Variants in PDE4D observed in about 807,000 individuals in gnomAD.
PDE4D encodes phosphodiesterase 4D.
PDE4D carries 24 observed loss-of-function variants against 87.4 expected under a neutral mutation model. The observed-to-expected ratio is 0.27, with a 90% CI of 0.20 to 0.39. The LOEUF (loss-of-function observed/expected upper bound fraction) is 0.39. PDE4D is among the 10% of genes least tolerant of loss of function. PDE4D has a pLI of 1.00. For synonymous variants in PDE4D, 384 were observed against 383.2 expected, an observed-to-expected ratio of 1.00 and a Z score of -0.02; for missense variants, 714 against 1,041.0, an observed-to-expected ratio of 0.69 and a Z score of 4.32.
At chr5:60,040,041 C>A (rs914122840) in intron 2 of PDE4D, among the ~76,000 whole-genome samples, 1 of 152,166 alleles carries the variant, frequency 6.6e-6, no homozygotes, top group African/African-American at 2.4e-5. Flanking sequence ...GAAACACTTC[C>A]TTTTCAATTT....
chr5:59,128,538 A>G (rs1160643616), intron 5 of PDE4D, among the ~76,000 whole-genome samples: 1 of 152,140 alleles, frequency 6.6e-6, no homozygotes, highest in African/African-American at 2.4e-5. Flanking sequence ...GGAGTGTATT[A>G]TGGTCCAAAT....
intron 1 of PDE4D, among the ~76,000 whole-genome samples, chr5:59,695,351 T>C (rs1463658071): frequency 1.3e-5 from 2 of 151,460 alleles, no homozygotes; most frequent in Non-Finnish European, 2.9e-5. Flanking sequence ...AGGCAGGAAC[T>C]GCACCTTTTA....
At chr5:59,078,145 A>G (rs968224703) in intron 5 of PDE4D, among the ~76,000 whole-genome samples, 1 of 152,214 alleles carries the variant, frequency 6.6e-6, no homozygotes, top group Admixed American at 6.5e-5. Context: ...TACACAAGGA[A>G]GTATGCACGA....
At chr5:59,774,790 T>C (rs144454573) in intron 1 of PDE4D, among the ~76,000 whole-genome samples, 9,630 of 151,420 alleles carry the variant, frequency 0.064, 913 homozygotes, top group African/African-American at 0.21. Context: ...TGGGTTCAAG[T>C]GATTCTCCTG....
chr5:59,107,052 G>T (rs1273465844), intron 5 of PDE4D, among the ~76,000 whole-genome samples: 1 of 152,104 alleles, frequency 6.6e-6, no homozygotes, highest in African/African-American at 2.4e-5. Flanking sequence ...GAAAAAAACA[G>T]TTATTGATCA....
chr5:60,114,884 G>GTA lies in PDE4D; in HGVS notation c.42+70671_42+70672dup, dbSNP rs144111213. ...TAACTATGTGTGTATGTATGTGTGT[G>GTA]TATATATATATGTATGAATAAGCTC... is the stretch of plus-strand genomic sequence containing the variant. On this transcript the variant is annotated intron_variant, in intron 2 of 16. Transcript: ENST00000502484. Among the ~76,000 whole-genome samples the GTA allele has an allele frequency of 8.1e-3, 1,209 of 150,006 alleles. 13 individuals carry two copies. Among genetic ancestry groups the GTA allele is most frequent in the African/African-American group, 0.027 (1,123 of 40,840 alleles).
chr5:59,936,321 C>A (rs1756574682), intron 3 of PDE4D, among the ~76,000 whole-genome samples: 1 of 151,896 alleles, frequency 6.6e-6, no homozygotes, highest in Admixed American at 6.6e-5. Context: ...TGTAACTAAC[C>A]TGCATGTTGT....
chr5:59,070,753 A>T (rs1022484254), intron 5 of PDE4D, among the ~76,000 whole-genome samples: 1 of 152,184 alleles, frequency 6.6e-6, no homozygotes, highest in Non-Finnish European at 1.5e-5. Flanking sequence ...CTTATCACTA[A>T]TTCAATCCCA....
upstream of PDE4D, among the ~76,000 whole-genome samples, chr5:59,895,785 C>T (rs159616): frequency 0.67 from 101,424 of 152,122 alleles, 35,266 homozygotes; most frequent in African/African-American, 0.86. Context: ...ATTTCTCATA[C>T]ACTAACAGTA....
At chr5:59,352,149 T>C (rs1485343181) in intron 1 of PDE4D, among the ~76,000 whole-genome samples, 1 of 152,168 alleles carries the variant, frequency 6.6e-6, no homozygotes, top group East Asian at 1.9e-4. Flanking sequence ...TTGGGAATGG[T>C]TCCTGGTGCA....
At chr5:59,165,461 A>C (rs1279458002) in intron 5 of PDE4D, among the ~76,000 whole-genome samples, 1 of 152,120 alleles carries the variant, frequency 6.6e-6, no homozygotes, top group East Asian at 1.9e-4. Flanking sequence ...TTTTTAGTAG[A>C]GACAGGGTTT....
intron 1 of PDE4D, among the ~76,000 whole-genome samples, chr5:59,828,245 A>G (rs998477677): frequency 6.6e-6 from 1 of 152,084 alleles, no homozygotes; most frequent in South Asian, 2.1e-4. Context: ...AACTAGAAAA[A>G]TACTGGCTTG....
intron 4 of PDE4D, among the ~76,000 whole-genome samples, chr5:59,182,088 C>G (rs1741750917): frequency 6.6e-6 from 1 of 151,892 alleles, no homozygotes; most frequent in Non-Finnish European, 1.5e-5. Context: ...TGAAAATGCA[C>G]CAAATTTTAC....
chr5:60,409,848 T>C (rs372015903), intron 1 of PDE4D, among the ~76,000 whole-genome samples: 14 of 151,950 alleles, frequency 9.2e-5, no homozygotes, highest in African/African-American at 3.1e-4. Flanking sequence ...TAGAGGAAAC[T>C]GTCATCTCTC....
At chr5:59,915,071 G>T (rs762728929) in intron 3 of PDE4D, among the ~76,000 whole-genome samples, 1 of 152,132 alleles carries the variant, frequency 6.6e-6, no homozygotes, top group Non-Finnish European at 1.5e-5. Flanking sequence ...AAGTTGGAGA[G>T]AATCTATTAA....
intron 5 of PDE4D, among the ~76,000 whole-genome samples, chr5:59,124,193 G>A (rs1169442355): frequency 6.6e-6 from 1 of 152,158 alleles, no homozygotes; most frequent in African/African-American, 2.4e-5. Context: ...GAGGTTGAGT[G>A]AGGAGTTCTA....
intron 1 of PDE4D, among the ~76,000 whole-genome samples, chr5:59,859,052 C>A (rs1745881330): frequency 6.6e-6 from 1 of 152,154 alleles, no homozygotes; most frequent in African/African-American, 2.4e-5. Flanking sequence ...GTGTTATTCA[C>A]AAAGACACTA....
At chr5:60,084,127 T>C (rs551010612) in intron 2 of PDE4D, among the ~76,000 whole-genome samples, 2 of 152,216 alleles carry the variant, frequency 1.3e-5, no homozygotes, top group East Asian at 1.9e-4. Context: ...TGAACCAGAT[T>C]TGGTAATATG....
At chr5:59,902,824 C>G (rs1019700391) in intron 3 of PDE4D, among the ~76,000 whole-genome samples, 3 of 152,058 alleles carry the variant, frequency 2.0e-5, no homozygotes, top group African/African-American at 7.2e-5. Context: ...TTTGTAATCT[C>G]CCCAGATTAA....
Sources: gnomAD v4.1 joint callset for allele counts (sites outside exome capture counted in the v4.1 genomes callset) on GRCh38, gnomAD v4.1.1 for gene constraint, MANE v1.5 for transcripts, NCBI Gene and HGNC (gene_info 2026-07-23, HGNC 2026-07-21) for gene names.